The following MOXD1 variants were observed in gnomAD, a reference collection of about 807,000 sequenced individuals.
MOXD1 encodes the protein DBH-like monooxygenase protein 1.
Under a neutral mutation model 66.6 loss-of-function variants are expected in MOXD1, and 62 were observed. That is an observed-to-expected ratio of 0.93 (90% CI 0.76 to 1.15). MOXD1 has a LOEUF of 1.15. Ranked by LOEUF, MOXD1 falls within the 50% of genes most tolerant of loss-of-function variation. MOXD1 has a pLI of 0.00. For synonymous variants in MOXD1, 303 were observed against 281.9 expected, an observed-to-expected ratio of 1.07 and a Z score of -0.75; for missense variants, 847 against 754.6, an observed-to-expected ratio of 1.12 and a Z score of -1.44.
chr6:132,350,300 T>C (rs923283134), intron 4 of MOXD1, among the ~76,000 whole-genome samples: 8 of 152,224 alleles, frequency 5.3e-5, no homozygotes, highest in Non-Finnish European at 1.0e-4. Context: ...TTAATTTTTG[T>C]ATAAGGTGAG....
At chr6:132,371,577 T>C (rs750701841) in intron 4 of MOXD1, among the ~76,000 whole-genome samples, 2 of 152,146 alleles carry the variant, frequency 1.3e-5, no homozygotes, top group Non-Finnish European at 2.9e-5. Context: ...GTGCTCAGTG[T>C]TTCTATCTCT....
intron 4 of MOXD1, among the ~76,000 whole-genome samples, chr6:132,352,902 T>C (rs1775831408): frequency 6.6e-6 from 1 of 152,220 alleles, no homozygotes; most frequent in African/African-American, 2.4e-5. Context: ...TTTTTCTCTT[T>C]TAACTGCTGT....
At position 132,367,879 on chromosome 6, in the gene MOXD1, C is replaced by T. The variant is rs73780061; in HGVS notation, c.663+4729G>A. Reference sequence around the variant, plus strand: ...CAAACCTGAACTATCCATCCAGTCACGGAACCCACCTACCGTAGTATGAGG... The same window carrying T: ...CAAACCTGAACTATCCATCCAGTCATGGAACCCACCTACCGTAGTATGAGG... On this transcript the variant is annotated intron_variant, in intron 4 of 11. Transcript: ENST00000367963. Among the ~76,000 whole-genome samples, 1,284 of 152,114 alleles carry T rather than the reference C, an allele frequency of 8.4e-3. 17 individuals are homozygous for T. Among genetic ancestry groups the T allele is most frequent in the Middle Eastern group, 0.041 (12 of 294 alleles).
At chr6:132,394,537 A>G (rs1391491878) in intron 1 of MOXD1, among the ~76,000 whole-genome samples, 1 of 152,218 alleles carries the variant, frequency 6.6e-6, no homozygotes, top group Non-Finnish European at 1.5e-5. Context: ...AGTAAGACAC[A>G]ACAGAATACT....
intron 1 of MOXD1, 170 bp from the exon 2 acceptor site, chr6:132,374,947 C>A: frequency 1.5e-6 from 1 of 653,212 alleles, no homozygotes; most frequent in Non-Finnish European, 2.6e-6. Context: ...GGAAACTAGT[C>A]CATCTTTGAA....
rs963628842 is a variant in MOXD1 at position 132,399,435 on chromosome 6, A to G, written c.264+1728T>C. 4.6e-5 allele frequency among the ~76,000 whole-genome samples: 7 copies of G among 152,296 alleles called. No individual in the cohort carries two copies. In the South Asian group the frequency reaches 1.0e-3, roughly 23 times the overall value. On this transcript the variant is annotated intron_variant, in intron 1 of 11. Coordinates refer to ENST00000367963, the MANE Select transcript of MOXD1 (RefSeq NM_015529.4). ...CACTAATTACTTTAAGAAAATTTCTATGTTTCAAAATCAATCTAAAGAGTA... is the reference window on the plus strand; with the variant it reads ...CACTAATTACTTTAAGAAAATTTCTGTGTTTCAAAATCAATCTAAAGAGTA...
chr6:132,395,636 T>A (rs1776854697), intron 1 of MOXD1, among the ~76,000 whole-genome samples: 1 of 152,142 alleles, frequency 6.6e-6, no homozygotes, highest in Admixed American at 6.5e-5. Context: ...ACCATACTCA[T>A]CTCACCTGTA....
intron 4 of MOXD1, among the ~76,000 whole-genome samples, chr6:132,357,865 T>C (rs575661741): frequency 5.1e-4 from 77 of 152,194 alleles, no homozygotes; most frequent in Non-Finnish European, 9.4e-4. Context: ...TTTCAATTAA[T>C]TAACTGGATG....
chr6:132,372,882 T>C lies in MOXD1; in HGVS notation c.527A>G (p.Lys176Arg). ...TAAGGCTGTAGATAGCACACTAGTTTTCTCAGGATTCAATAACCGCAAACT... is the reference window on the plus strand; with the variant it reads ...TAAGGCTGTAGATAGCACACTAGTTCTCTCAGGATTCAATAACCGCAAACT... ...TKSLRLLNPE[K>R]TSVLSTALPY... Residue 176 changes from lysine to arginine, a missense_variant, in exon 3 of 12, where the codon AAA becomes AGA. Physicochemically the swap from Lys to Arg is conservative, Grantham distance 26. Transcript: ENST00000367963. 1 of 1,614,076 alleles carries C rather than the reference T, an allele frequency of 6.2e-7. No individual in the cohort carries two copies. Among genetic ancestry groups the C allele is most frequent in the Non-Finnish European group, 8.5e-7 (1 of 1,179,930 alleles).
intron 4 of MOXD1, among the ~76,000 whole-genome samples, chr6:132,347,103 T>C (rs1417404619): frequency 6.6e-6 from 1 of 152,306 alleles, no homozygotes; most frequent in East Asian, 1.9e-4. Context: ...CATTTAATCT[T>C]TATACGACAC....
At position 132,323,292 on chromosome 6, in the gene MOXD1, C is replaced by T. The variant is rs1227469618; in HGVS notation, c.1114-422G>A. ...AAATGAATCGCCCATGGTCCTACAG[C>T]TTGTAAATGAGGTCATGGCAATTTG... On this transcript the variant is annotated intron_variant, in intron 7 of 11. Transcript: ENST00000367963. Among the ~76,000 whole-genome samples, 6 of 152,282 alleles carry T rather than the reference C, an allele frequency of 3.9e-5. No individual in the cohort carries two copies. The East Asian group carries it at 1.2e-3, about 29-fold the overall frequency.
At chr6:132,349,464 T>C (rs868444089) in intron 4 of MOXD1, among the ~76,000 whole-genome samples, 15 of 25,630 alleles carry the variant, frequency 5.9e-4, no homozygotes, top group East Asian at 1.7e-3. Context: ...TATATATATA[T>C]ACATATATAT....
chr6:132,303,708 T>TACACACAC (rs1230084737), intron 10 of MOXD1, among the ~76,000 whole-genome samples: 8 of 135,974 alleles, frequency 5.9e-5, no homozygotes, highest in African/African-American at 2.2e-4. Flanking sequence ...ACTGTATACA[T>TACACACAC]ACACACACAC....
rs372338360 is a variant in MOXD1 at position 132,297,276 on chromosome 6, G to A, written c.1719C>T (p.Pro573=). Reference sequence around the variant, plus strand: ...CACACACCAAAGGTTCTGCTTTATAGGGTCTTTCTATATCTGGAGGTAATG... The same window carrying A: ...CACACACCAAAGGTTCTGCTTTATAAGGTCTTTCTATATCTGGAGGTAATG... The part of the protein sequence containing the change: ...MTALPPDIER[P]YKAEPLVCGT... The change falls in exon 12 of 12, where the codon CCC becomes CCT. Residue 573 remains proline, a synonymous_variant. Coordinates refer to ENST00000367963, the MANE Select transcript of MOXD1 (RefSeq NM_015529.4). The A allele has an allele frequency of 2.5e-6, 4 of 1,613,494 alleles. No individual in the cohort carries two copies. Among genetic ancestry groups the A allele is most frequent in the African/African-American group, 2.7e-5 (2 of 75,008 alleles).
chr6:132,390,875 G>A (rs1776746052), intron 1 of MOXD1: 1 of 151,344 alleles, frequency 6.6e-6, no homozygotes, highest in East Asian at 1.9e-4. Flanking sequence ...CATTTATAGT[G>A]GAATAAAAGC....
intron 4 of MOXD1, among the ~76,000 whole-genome samples, chr6:132,360,670 C>A (rs1776000563): frequency 1.3e-5 from 2 of 152,158 alleles, no homozygotes; most frequent in Admixed American, 1.3e-4. Flanking sequence ...GCTTTGGGGG[C>A]TCTCTAATAT....
At chr6:132,371,375 C>A (rs1286954020) in intron 4 of MOXD1, among the ~76,000 whole-genome samples, 1 of 152,068 alleles carries the variant, frequency 6.6e-6, no homozygotes, top group Non-Finnish European at 1.5e-5. Context: ...GCAAAAATAA[C>A]CTATAAATAT....
chr6:132,319,070 C>A lies in MOXD1; in HGVS notation c.1365+1559G>T, dbSNP rs1179704242. On this transcript the variant is annotated intron_variant, in intron 9 of 11. Coordinates refer to ENST00000367963, the MANE Select transcript of MOXD1 (RefSeq NM_015529.4). The stretch of plus-strand genomic sequence containing the variant: ...TATTAATCGCCAGTTTTAAAATAAG[C>A]CTTCTTATCTAGTAGATTGTTTTCT... 3.3e-5 allele frequency among the ~76,000 whole-genome samples: 5 copies of A among 151,858 alleles called. No individual in the cohort carries two copies. The South Asian group carries it at 8.3e-4, about 25-fold the overall frequency.
intron 8 of MOXD1, among the ~76,000 whole-genome samples, chr6:132,321,960 T>G (rs1318784697): frequency 2.0e-5 from 3 of 152,216 alleles, no homozygotes; most frequent in Non-Finnish European, 4.4e-5. Context: ...TCCCTGACAG[T>G]TCATCCCATC....
Sources: allele counts gnomAD v4.1 joint callset (sites outside exome capture counted in the v4.1 genomes callset), GRCh38; gene constraint gnomAD v4.1.1; transcripts MANE v1.5; gene names NCBI Gene and HGNC (gene_info 2026-07-23, HGNC 2026-07-21).